The following CNTNAP5 variants were observed in gnomAD, a reference collection of about 807,000 sequenced individuals.
CNTNAP5 encodes contactin associated protein family member 5.
A neutral mutation model predicts 150.2 loss-of-function variants in CNTNAP5; 72 were observed. That is an observed-to-expected ratio of 0.48 (90% CI 0.40 to 0.58). CNTNAP5 has a LOEUF of 0.58. Ranked by LOEUF, CNTNAP5 falls within the 20% of genes least tolerant of loss-of-function variation. The pLI, the probability that CNTNAP5 is intolerant of heterozygous loss-of-function variation, is 0.00. For synonymous variants in CNTNAP5, 672 were observed against 619.8 expected (o/e 1.08, Z -1.25); for missense variants, 1,636 against 1,626.2 (o/e 1.01, Z -0.10).
intron 6 of CNTNAP5, among the ~76,000 whole-genome samples, chr2:124,473,583 T>C (rs941631742): frequency 1.3e-5 from 2 of 151,968 alleles, no homozygotes; most frequent in Non-Finnish European, 2.9e-5. Flanking sequence ...GAAGACATTC[T>C]GATTGGGAGA....
At chr2:124,116,612 C>T (rs1683435283) in intron 1 of CNTNAP5, among the ~76,000 whole-genome samples, 1 of 152,188 alleles carries the variant, frequency 6.6e-6, no homozygotes, top group Non-Finnish European at 1.5e-5. Flanking sequence ...TTGGGCTTTT[C>T]CTAGAAGATA....
intron 10 of CNTNAP5, among the ~76,000 whole-genome samples, chr2:124,537,791 C>T (rs1163361415): frequency 1.3e-5 from 2 of 152,144 alleles, no homozygotes; most frequent in Admixed American, 6.5e-5. Flanking sequence ...CTCTTACAAA[C>T]CTCATCTCTA....
intron 1 of CNTNAP5, among the ~76,000 whole-genome samples, chr2:124,161,877 G>T (rs1335687433): frequency 6.6e-6 from 1 of 152,122 alleles, no homozygotes; most frequent in Non-Finnish European, 1.5e-5. Flanking sequence ...TTCAATAGAA[G>T]ATTATGGATG....
intron 13 of CNTNAP5, among the ~76,000 whole-genome samples, chr2:124,721,828 A>G (rs1029266985): frequency 1.3e-5 from 2 of 152,130 alleles, no homozygotes; most frequent in African/African-American, 4.8e-5. Flanking sequence ...TGGCTTAAAG[A>G]ACAAAATTTT....
intron 13 of CNTNAP5, among the ~76,000 whole-genome samples, chr2:124,702,213 G>C (rs2105091081): frequency 6.6e-6 from 1 of 151,932 alleles, no homozygotes; most frequent in South Asian, 2.1e-4. Context: ...CCAAAATGAG[G>C]ATCTTTATAT....
chr2:124,218,724 T>C (rs1233565075), intron 1 of CNTNAP5, among the ~76,000 whole-genome samples: 1 of 152,154 alleles, frequency 6.6e-6, no homozygotes, highest in Admixed American at 6.6e-5. Context: ...AGCTTAGTTC[T>C]CCTGGAGGTC....
chr2:124,086,462 C>G (rs1277576627), intron 1 of CNTNAP5, among the ~76,000 whole-genome samples: 1 of 151,580 alleles, frequency 6.6e-6, no homozygotes, highest in Admixed American at 6.6e-5. Flanking sequence ...CTTGGCCTCT[C>G]TAACTGCTGG....
chr2:124,649,003 C>G (rs187643429), intron 13 of CNTNAP5, among the ~76,000 whole-genome samples: 1 of 152,264 alleles, frequency 6.6e-6, no homozygotes, highest in East Asian at 1.9e-4. Context: ...TCAGGGAAGA[C>G]GTTGTTCCAC....
intron 1 of CNTNAP5, among the ~76,000 whole-genome samples, chr2:124,086,272 T>TTA (rs1682689884): frequency 1.3e-5 from 2 of 148,432 alleles, no homozygotes; most frequent in African/African-American, 5.0e-5. Context: ...TCTCGGCTCA[T>TTA]TGCAAGCTCC....
intron 1 of CNTNAP5, among the ~76,000 whole-genome samples, chr2:124,031,881 C>T (rs1016215903): frequency 1.3e-5 from 2 of 152,178 alleles, no homozygotes; most frequent in Non-Finnish European, 2.9e-5. Flanking sequence ...CACCATTACC[C>T]TGATAACATG....
chr2:124,779,565 A>T (rs2104618722), intron 17 of CNTNAP5, among the ~76,000 whole-genome samples: 1 of 152,186 alleles, frequency 6.6e-6, no homozygotes, highest in South Asian at 2.1e-4. Flanking sequence ...AATCAAATTA[A>T]TTTTCTTAAG....
intron 1 of CNTNAP5, among the ~76,000 whole-genome samples, chr2:124,058,573 T>A (rs1489518304): frequency 6.6e-6 from 1 of 152,168 alleles, no homozygotes; most frequent in Non-Finnish European, 1.5e-5. Flanking sequence ...CCCTGTACTA[T>A]CCCCAAGTCT....
chr2:124,733,394 G>A (rs933374801), intron 13 of CNTNAP5, among the ~76,000 whole-genome samples: 1 of 152,072 alleles, frequency 6.6e-6, no homozygotes, highest in African/African-American at 2.4e-5. Context: ...AATTGTTAGA[G>A]AAGACTTCTT....
At chr2:124,570,641 T>C (rs1485666337) in intron 11 of CNTNAP5, among the ~76,000 whole-genome samples, 1 of 152,132 alleles carries the variant, frequency 6.6e-6, no homozygotes, top group East Asian at 1.9e-4. Flanking sequence ...GATGGTGCTT[T>C]GGAGCATATA....
At chr2:124,875,904 A>C (rs982745012) in intron 21 of CNTNAP5, among the ~76,000 whole-genome samples, 2 of 152,034 alleles carry the variant, frequency 1.3e-5, no homozygotes, top group Non-Finnish European at 2.9e-5. Flanking sequence ...AATAACAACA[A>C]AAGAGAAAAC....
chr2:124,565,574 CTTTTTTTTTTTTTTTTTTTT>C (rs776732335), intron 11 of CNTNAP5, among the ~76,000 whole-genome samples: 4 of 68,440 alleles, frequency 5.8e-5, no homozygotes, highest in African/African-American at 1.2e-4. Context: ...TACCTAGATC[CTTTTTTTTTTTTTTTTTTTT>C]TTTTTTTTTT....
chr2:124,371,198 A>G (rs534763587), intron 3 of CNTNAP5, among the ~76,000 whole-genome samples: 1 of 152,250 alleles, frequency 6.6e-6, no homozygotes, highest in African/African-American at 2.4e-5. Flanking sequence ...AGGGAAAGTG[A>G]GAGTAACCCT....
intron 1 of CNTNAP5, among the ~76,000 whole-genome samples, chr2:124,188,305 A>G (rs1482292850): frequency 1.3e-5 from 2 of 152,238 alleles, no homozygotes; most frequent in South Asian, 2.1e-4. Flanking sequence ...TGTTTCCCCA[A>G]ATATATTTGT....
intron 11 of CNTNAP5, among the ~76,000 whole-genome samples, chr2:124,578,979 C>T (rs34861575): frequency 0.17 from 26,565 of 151,880 alleles, 2,526 homozygotes; most frequent in South Asian, 0.25. Context: ...AAGGGATACA[C>T]TTTTATTTGT....
Sources: allele counts gnomAD v4.1 joint callset (sites outside exome capture counted in the v4.1 genomes callset), GRCh38; gene constraint gnomAD v4.1.1; transcripts MANE v1.5; gene names NCBI Gene and HGNC (gene_info 2026-07-23, HGNC 2026-07-21).